Variants in MUC17 observed in about 807,000 individuals in gnomAD.
MUC17 encodes the protein mucin-17.
MUC17 carries 190 observed loss-of-function variants against 170.3 expected under a neutral mutation model. The ratio of observed to expected loss-of-function variants is 1.12; its 90% CI spans 0.99 to 1.26. The LOEUF (loss-of-function observed/expected upper bound fraction) is 1.26. MUC17 is among the 50% of genes most tolerant of loss of function. MUC17 has a pLI of 0.00. For synonymous variants in MUC17, 2,325 were observed against 2,002.5 expected, an observed-to-expected ratio of 1.16 and a Z score of -4.30; for missense variants, 6,415 against 5,530.0, an observed-to-expected ratio of 1.16 and a Z score of -5.08.
At chr7:101,028,605 C>T (rs968685114) in intron 1 of MUC17, among the ~76,000 whole-genome samples, 5 of 151,720 alleles carry the variant, frequency 3.3e-5, no homozygotes, top group East Asian at 1.9e-4. Context: ...GGACTGGATG[C>T]GGTGGCTCAT....
rs1794664040 is a variant in MUC17, at chr7:101,040,530, C to T, written c.9114C>T (p.Ile3038=). 1 of 1,612,128 alleles carries T rather than the reference C, an allele frequency of 6.2e-7. No homozygotes were observed. The highest frequency in any genetic ancestry group is 1.3e-5 in the African/African-American group (1 of 74,568). Residue 3038 remains isoleucine (I), a synonymous_variant, in exon 3 of 13, where the codon ATC becomes ATT. Coordinates refer to ENST00000306151, the MANE Select transcript of MUC17 (RefSeq NM_001040105.2). The stretch of plus-strand genomic sequence containing the variant: ...CTGCTGAAGGTACCGGCATACCAAT[C>T]TCAACTCCTAGTGAAGGAAGTACTC... ...PTTAEGTGIP[I]STPSEGSTPL...
In MUC17 at chr7:101,032,506, C is replaced by A. The variant is rs867871379; in HGVS notation, c.1090C>A (p.Leu364Ile). Residue 364 changes from leucine to isoleucine, a missense_variant, in exon 3 of 13, where the codon CTT becomes ATT. Leu to Ile is a conservative substitution (Grantham distance 5, BLOSUM62 2). Transcript: ENST00000306151. ...AATAACTCCTGTTGACACCAGCACA[C>A]TTGTGACCACTTCTACTGAACCCAG... Reference protein sequence around the residue: ...LSITPVDTSTLVTTSTEPSSL... With the variant: ...LSITPVDTSTIVTTSTEPSSL... 6.2e-7 allele frequency: 1 copy of A among 1,614,070 alleles called. No homozygotes were observed. Among genetic ancestry groups the A allele is most frequent in the Non-Finnish European group, 8.5e-7 (1 of 1,180,042 alleles).
Position 101,032,000 on chromosome 7 carries a change from G to T in MUC17, c.584G>T (p.Ser195Ile). 1 of 1,614,172 alleles carries T rather than the reference G, an allele frequency of 6.2e-7. No individual in the cohort carries two copies. Among genetic ancestry groups the T allele is most frequent in the East Asian group, 2.2e-5 (1 of 44,890 alleles). ...STPLTTSTQA[S>I]SSPTTPESTT... ...CCTCTGACCACTTCTACTCAGGCAA[G>T]TTCATCTCCTACTACTCCTGAAAGC... Residue 195 changes from serine to isoleucine, a missense_variant, in exon 3 of 13, where the codon AGT (serine) becomes ATT (isoleucine). Physicochemically the swap from Ser to Ile is moderately radical, Grantham distance 142. Coordinates refer to ENST00000306151, the MANE Select transcript of MUC17 (RefSeq NM_001040105.2).
At chr7:101,021,298 G>A (rs545237730) in intron 1 of MUC17, among the ~76,000 whole-genome samples, 12 of 146,166 alleles carry the variant, frequency 8.2e-5, no homozygotes, top group South Asian at 2.3e-4. Context: ...CGATTCTCCC[G>A]CCTCAGGCTC....
In MUC17 at chr7:101,053,028, T is replaced by C. The variant is rs767739284; in HGVS notation, c.13146T>C (p.Cys4382=). 3 of 1,614,138 alleles carry C rather than the reference T, an allele frequency of 1.9e-6. No homozygotes were observed. The highest frequency in any genetic ancestry group is 1.7e-6 in the Non-Finnish European group (2 of 1,180,028). ...TETHWYSGET[C]NQGTQKSLVY... The stretch of plus-strand genomic sequence containing the variant: ...CTCACTGGTACAGTGGGGAGACCTG[T>C]AACCAGGGCACCCAGAAGAGTCTGG... Residue 4382 remains cysteine (C), a synonymous_variant, in exon 10 of 13, where the codon TGT becomes TGC. Coordinates refer to ENST00000306151, the MANE Select transcript of MUC17 (RefSeq NM_001040105.2).
chr7:101,053,772 C>T (rs1794998621), intron 11 of MUC17, among the ~76,000 whole-genome samples: 1 of 150,904 alleles, frequency 6.6e-6, no homozygotes, highest in African/African-American at 2.4e-5. Flanking sequence ...CCCAGCTACT[C>T]GGGAGGCTGA....
chr7:101,031,294 G>T (rs1794275006), intron 2 of MUC17, 73 bp downstream of exon 2: 1 of 1,535,388 alleles, frequency 6.5e-7, no homozygotes, highest in Admixed American at 2.1e-5. Context: ...ACCCCTGCCA[G>T]GCTGGTGAAG....
chr7:101,035,266 C>G lies in MUC17; in HGVS notation c.3850C>G (p.Pro1284Ala), dbSNP rs1175237073. The change falls in exon 3 of 13, where the codon CCT (proline) becomes GCT (alanine). Residue 1284 changes from proline (P) to alanine (A), a missense_variant. By Grantham distance (27) the Pro-to-Ala change is conservative. Transcript: ENST00000306151. ...SEGSTLLTSI[P>A]VSTTLVTSPE... ...AGGAAGTACTCTATTAACAAGTATA[C>G]CTGTCAGCACCACGCTGGTGACCAG... 1.2e-6 allele frequency: 2 copies of G among 1,608,926 alleles called. No individual in the cohort carries two copies. Among genetic ancestry groups the G allele is most frequent in the Non-Finnish European group, 1.7e-6 (2 of 1,176,346 alleles).
chr7:101,040,532 C>T lies in MUC17; in HGVS notation c.9116C>T (p.Ser3039Leu). ...TTAEGTGIPISTPSEGSTPLT... is the reference protein window; with the variant it reads ...TTAEGTGIPILTPSEGSTPLT... ...GCTGAAGGTACCGGCATACCAATCTCAACTCCTAGTGAAGGAAGTACTCCA... is the reference window on the plus strand; with the variant it reads ...GCTGAAGGTACCGGCATACCAATCTTAACTCCTAGTGAAGGAAGTACTCCA... The change falls in exon 3 of 13, where the codon TCA becomes TTA. Residue 3039 changes from serine (S) to leucine (L), a missense_variant. Coordinates refer to ENST00000306151, the MANE Select transcript of MUC17 (RefSeq NM_001040105.2). 2 of 1,612,320 alleles carry T rather than the reference C, an allele frequency of 1.2e-6. No individual in the cohort carries two copies. Among genetic ancestry groups the T allele is most frequent in the Non-Finnish European group, 1.7e-6 (2 of 1,179,280 alleles).
In MUC17 at chr7:101,036,267, A is replaced by G. The variant is rs139989768; in HGVS notation, c.4851A>G (p.Glu1617=). Residue 1617 remains glutamate (E), a synonymous_variant, in exon 3 of 13, where the codon GAA becomes GAG. Coordinates refer to ENST00000306151, the MANE Select transcript of MUC17 (RefSeq NM_001040105.2). ...AAGCCAGTTCATCTACAACCGCTGA[A>G]GGTAGCAGCATGACAATCTCAACTC... ...STEASSSTTA[E]GSSMTISTPS... 2.0e-3 allele frequency: 3,240 copies of G among 1,613,830 alleles called. 6 individuals carry two copies. Among genetic ancestry groups the G allele is most frequent in the Non-Finnish European group, 2.5e-3 (2,965 of 1,179,948 alleles).
At chr7:101,027,571 G>A (rs1794203677) in intron 1 of MUC17, among the ~76,000 whole-genome samples, 1 of 152,134 alleles carries the variant, frequency 6.6e-6, no homozygotes, top group Non-Finnish European at 1.5e-5. Flanking sequence ...GAGAGCCCTG[G>A]TAGTTTTCTT....
Position 101,034,013 on chromosome 7 carries a change from C to G in MUC17, c.2597C>G (p.Pro866Arg). The change falls in exon 3 of 13, where the codon CCT becomes CGT. Residue 866 changes from proline (P) to arginine (R), a missense_variant. Pro to Arg is a moderately radical substitution (Grantham distance 103, BLOSUM62 -2). Transcript: ENST00000306151. ...TCAACTTATAGTGAAGGAAGAACTC[C>G]TTTAACAAGTATGCCTGTCAGCACC... ...PTSTYSEGRT[P>R]LTSMPVSTTL... 6.2e-7 allele frequency: 1 copy of G among 1,603,316 alleles called. No homozygotes were observed. Among genetic ancestry groups the G allele is most frequent in the Non-Finnish European group, 8.5e-7 (1 of 1,174,086 alleles).
chr7:101,028,297 G>T lies in MUC17; in HGVS notation c.83-2823G>T, dbSNP rs186825983. On this transcript the variant is annotated intron_variant, in intron 1 of 12. Transcript: ENST00000306151. ...GTAGAGACAGGGTTTCACTATATTTGCCAGGCTGGTCTCGAACTCCTGACC... is the reference window on the plus strand; with the variant it reads ...GTAGAGACAGGGTTTCACTATATTTTCCAGGCTGGTCTCGAACTCCTGACC... Among the ~76,000 whole-genome samples the T allele has an allele frequency of 7.3e-3, 1,091 of 149,228 alleles. 18 individuals carry two copies. Among genetic ancestry groups the T allele is most frequent in the African/African-American group, 0.025 (1,025 of 40,512 alleles).
In MUC17 at chr7:101,053,349, A is replaced by G. The variant is rs865949375; in HGVS notation, c.13276A>G (p.Arg4426Gly). The G allele has an allele frequency of 1.9e-6, 3 of 1,614,078 alleles. No homozygotes were observed. Among genetic ancestry groups the G allele is most frequent in the Admixed American group, 1.7e-5 (1 of 60,012 alleles). ...SKREVKRQKY[R>G]LSQLYKWQEE... is the part of the protein sequence containing the mutation. ...TGTTTCCATCACTAGGCAAAAGTACAGATTGTCTCAGTTATACAAGTGGCA... is the reference window on the plus strand; with the variant it reads ...TGTTTCCATCACTAGGCAAAAGTACGGATTGTCTCAGTTATACAAGTGGCA... The change falls in exon 11 of 13, where the codon AGA (arginine) becomes GGA (glycine). Residue 4426 changes from arginine to glycine, a missense_variant. Arg to Gly is a moderately radical substitution (Grantham distance 125, BLOSUM62 -2). Coordinates refer to ENST00000306151, the MANE Select transcript of MUC17 (RefSeq NM_001040105.2).
intron 3 of MUC17, among the ~76,000 whole-genome samples, chr7:101,046,750 C>T (rs887640224): frequency 6.6e-6 from 1 of 152,004 alleles, no homozygotes; most frequent in East Asian, 1.9e-4. Flanking sequence ...TGCGCTCCAA[C>T]CTGAACGAGA....
Position 101,040,080 on chromosome 7 carries a change from C to A in MUC17, c.8664C>A (p.Thr2888=), listed in dbSNP as rs757390171. 6.8e-6 allele frequency: 11 copies of A among 1,612,564 alleles called. No homozygotes were observed. The highest frequency in any genetic ancestry group is 6.7e-5 in the African/African-American group (5 of 74,626). ...CGGTGGCCAGTTCTGAGGCTAGCAC[C>A]CTTTCAACAACTCCTGTTGATACCA... ...TTPVASSEAS[T]LSTTPVDTSI... Residue 2888 remains threonine (T), a synonymous_variant, in exon 3 of 13, where the codon ACC becomes ACA. Transcript: ENST00000306151.
At chr7:101,020,445 T>C (rs1794052292) in intron 1 of MUC17, among the ~76,000 whole-genome samples, 1 of 152,110 alleles carries the variant, frequency 6.6e-6, no homozygotes, top group Non-Finnish European at 1.5e-5. Flanking sequence ...CTCTGAGCCT[T>C]AGTTTCCCCT....
chr7:101,035,878 A>C lies in MUC17; in HGVS notation c.4462A>C (p.Thr1488Pro). 1 of 1,607,774 alleles carries C rather than the reference A, an allele frequency of 6.2e-7. No homozygotes were observed. The highest frequency in any genetic ancestry group is 2.2e-5 in the East Asian group (1 of 44,640). Residue 1488 changes from threonine (T) to proline (P), a missense_variant, in exon 3 of 13, where the codon ACT becomes CCT. Physicochemically the swap from Thr to Pro is conservative, Grantham distance 38 (BLOSUM62 -1). Coordinates refer to ENST00000306151, the MANE Select transcript of MUC17 (RefSeq NM_001040105.2). ...TPVDSNSPVV[T>P]STAVSSSPTP... is the part of the protein sequence containing the mutation. ...TGTTGACTCTAACAGTCCTGTGGTC[A>C]CTTCTACAGCAGTCAGTTCATCTCC...
rs1173348478 is a variant in MUC17 at position 101,038,305 on chromosome 7, A to G, written c.6889A>G (p.Ser2297Gly). ...CACGCTGGTGGCCAATTCTGAGGTT[A>G]GCACCCTTTCAACAACTCCTGTTGA... ...SHTLVANSEV[S>G]TLSTTPVDSN... Residue 2297 changes from serine to glycine, a missense_variant, in exon 3 of 13, where the codon AGC (serine) becomes GGC (glycine). Coordinates refer to ENST00000306151, the MANE Select transcript of MUC17 (RefSeq NM_001040105.2). 9 of 1,613,532 alleles carry G rather than the reference A, an allele frequency of 5.6e-6. No homozygotes were observed. The African/African-American group carries it at 1.1e-4, about 19-fold the overall frequency.
Sources: gnomAD v4.1 joint callset for allele counts (sites outside exome capture counted in the v4.1 genomes callset) on GRCh38, gnomAD v4.1.1 for gene constraint, MANE v1.5 for transcripts, NCBI Gene and HGNC (gene_info 2026-07-23, HGNC 2026-07-21) for gene names.